The following MARCHF4 variants were observed in gnomAD, a reference collection of about 807,000 sequenced individuals.
MARCHF4 encodes membrane associated ring-CH-type finger 4.
MARCHF4 carries 14 observed loss-of-function variants against 43.9 expected under a neutral mutation model. The ratio of observed to expected loss-of-function variants is 0.32; its 90% CI spans 0.21 to 0.50. MARCHF4 has a LOEUF of 0.50. MARCHF4 is among the 20% of genes least tolerant of loss of function. The pLI, the probability that MARCHF4 is intolerant of heterozygous loss-of-function variation, is 0.98. For missense variants in MARCHF4, 468 were observed against 536.7 expected, an observed-to-expected ratio of 0.87 and a Z score of 1.27; for synonymous variants, 226 against 213.3, an observed-to-expected ratio of 1.06 and a Z score of -0.52.
chr2:216,305,974 C>A (rs531570944), intron 1 of MARCHF4, among the ~76,000 whole-genome samples: 2 of 152,126 alleles, frequency 1.3e-5, no homozygotes, highest in African/African-American at 4.8e-5. Context: ...CTAACCACAC[C>A]CCACCCCTCC....
At chr2:216,359,078 C>T (rs1466602421) in intron 1 of MARCHF4, among the ~76,000 whole-genome samples, 1 of 152,166 alleles carries the variant, frequency 6.6e-6, no homozygotes, top group African/African-American at 2.4e-5. Flanking sequence ...CAGACAAACC[C>T]CCAAGCTTCA....
intron 1 of MARCHF4, among the ~76,000 whole-genome samples, chr2:216,329,352 G>C (rs1199955777): frequency 2.0e-5 from 3 of 152,164 alleles, no homozygotes; most frequent in Non-Finnish European, 4.4e-5. Context: ...CTGGACTCCA[G>C]CCTGGGTGAC....
chr2:216,335,061 C>T (rs1692137738), intron 1 of MARCHF4, among the ~76,000 whole-genome samples: 1 of 152,126 alleles, frequency 6.6e-6, no homozygotes, highest in Non-Finnish European at 1.5e-5. Context: ...AACTTGGTAG[C>T]AATTTTCAGA....
intron 1 of MARCHF4, among the ~76,000 whole-genome samples, chr2:216,340,408 C>T (rs1365953456): frequency 6.6e-6 from 1 of 152,232 alleles, no homozygotes; most frequent in Non-Finnish European, 1.5e-5. Context: ...CTCCCTGGCT[C>T]TCCTCCTGCA....
intron 2 of MARCHF4, 62 bp downstream of exon 2, chr2:216,283,512 C>G: frequency 1.3e-6 from 2 of 1,512,802 alleles, no homozygotes; most frequent in Non-Finnish European, 8.9e-7. Context: ...AAGCCTCCTG[C>G]TAAAGCAGGT....
At chr2:216,308,239 C>T (rs1691622190) in intron 1 of MARCHF4, among the ~76,000 whole-genome samples, 2 of 152,078 alleles carry the variant, frequency 1.3e-5, no homozygotes, top group Admixed American at 1.3e-4. Flanking sequence ...CTGTCTCTAA[C>T]TCTCAAAAAT....
At chr2:216,360,475 A>G (rs928626257) in intron 1 of MARCHF4, among the ~76,000 whole-genome samples, 1 of 152,170 alleles carries the variant, frequency 6.6e-6, no homozygotes, top group African/African-American at 2.4e-5. Flanking sequence ...ACACCGAGAC[A>G]TGGAGGAAGT....
In MARCHF4 at chr2:216,259,487, C is replaced by T. The variant is rs973671685; in HGVS notation, c.1058G>A (p.Gly353Asp). 1.2e-6 allele frequency: 2 copies of T among 1,614,162 alleles called. No individual in the cohort carries two copies. The highest frequency in any genetic ancestry group is 1.7e-6 in the Non-Finnish European group (2 of 1,180,010). The change falls in exon 4 of 4, where the codon GGC (glycine) becomes GAC (aspartate). Residue 353 changes from glycine (G) to aspartate (D), a missense_variant. By Grantham distance (94) the Gly-to-Asp change is moderately conservative. Coordinates refer to ENST00000273067, the MANE Select transcript of MARCHF4 (RefSeq NM_020814.3). Reference protein sequence around the residue: ...NIPSSEEETAGTPAPEQGPAQ... With the variant: ...NIPSSEEETADTPAPEQGPAQ... ...AGGGCCCTGCTCAGGGGCAGGGGTG[C>T]CTGCGGTCTCCTCTTCCGAGGAGGG...
intron 1 of MARCHF4, among the ~76,000 whole-genome samples, chr2:216,365,511 GCTCC>G (rs1692651245): frequency 6.6e-6 from 1 of 152,214 alleles, no homozygotes; most frequent in Non-Finnish European, 1.5e-5. Flanking sequence ...CCTGGAGGTT[GCTCC>G]ACAAAGATAA....
At chr2:216,281,148 A>C (rs1691121621) in intron 2 of MARCHF4, among the ~76,000 whole-genome samples, 1 of 149,410 alleles carries the variant, frequency 6.7e-6, no homozygotes, top group Admixed American at 6.7e-5. Flanking sequence ...AGCTCACTAC[A>C]ACCTAGACCT....
At chr2:216,304,084 G>T (rs1389224534) in intron 1 of MARCHF4, among the ~76,000 whole-genome samples, 1 of 152,126 alleles carries the variant, frequency 6.6e-6, no homozygotes, top group African/African-American at 2.4e-5. Context: ...TGTCATGGGG[G>T]TACTCAGGTT....
chr2:216,344,451 G>C (rs1422979144), intron 1 of MARCHF4, among the ~76,000 whole-genome samples: 3 of 152,152 alleles, frequency 2.0e-5, no homozygotes, highest in Non-Finnish European at 4.4e-5. Flanking sequence ...TTCACCAGAA[G>C]CAGGGTGGAG....
intron 1 of MARCHF4, among the ~76,000 whole-genome samples, chr2:216,367,943 A>AG (rs538902956): frequency 0.015 from 2,305 of 151,756 alleles, 36 homozygotes; most frequent in Admixed American, 0.03. Flanking sequence ...TGAGGAAAGG[A>AG]GGGGGGGGCA....
At position 216,370,400 on chromosome 2, in the gene MARCHF4, A is replaced by T; in HGVS notation, c.-140T>A. 3.3e-6 allele frequency: 2 copies of T among 613,914 alleles called. No individual in the cohort carries two copies. Among genetic ancestry groups the T allele is most frequent in the South Asian group, 4.9e-5 (2 of 40,466 alleles). The allele number at this position is 613,914 out of a possible 1,614,324, so 38.0% of individuals were successfully genotyped here. On this transcript the variant is annotated 5_prime_UTR_variant, in exon 1 of 4. Transcript: ENST00000273067. ...CACTGGCTTTTCTTACAACCCCTCC[A>T]AGTAGCAAATAAATTGCTCCCAGGA...
chr2:216,327,004 A>T (rs1044047151), intron 1 of MARCHF4, among the ~76,000 whole-genome samples: 4 of 152,166 alleles, frequency 2.6e-5, no homozygotes, highest in Non-Finnish European at 5.9e-5. Context: ...AAATAATAGT[A>T]TCTACCGTAT....
In MARCHF4 at chr2:216,283,681, G is replaced by T. The variant is rs2105940897; in HGVS notation, c.565C>A (p.His189Asn). Residue 189 changes from histidine to asparagine, a missense_variant, in exon 2 of 4, where the codon CAC becomes AAC. By Grantham distance (68) the His-to-Asn change is moderately conservative. Around this residue, in one of 3 missense-constraint regions of MARCHF4, gnomAD observed 158 missense variants for 251.1 expected, o/e 0.63. Transcript: ENST00000273067. ...CRCDGSVKCT[H>N]QPCLIKWISE... is the part of the protein sequence containing the mutation. ...ATCCACTTGATGAGGCAAGGCTGGT[G>T]TGTGCACTTGACCGAGCCATCACAG... 6.2e-7 allele frequency: 1 copy of T among 1,613,466 alleles called. No individual in the cohort carries two copies. Among genetic ancestry groups the T allele is most frequent in the Non-Finnish European group, 8.5e-7 (1 of 1,179,418 alleles).
intron 1 of MARCHF4, among the ~76,000 whole-genome samples, chr2:216,354,823 T>C (rs1230690763): frequency 6.6e-6 from 1 of 152,224 alleles, no homozygotes; most frequent in African/African-American, 2.4e-5. Context: ...TCAGCATAAT[T>C]GTGCCCAAAG....
rs1559110083 is a variant in MARCHF4, at chr2:216,370,172, T to G, written c.89A>C (p.Gln30Pro). Reference sequence around the variant, plus strand: ...GAGGAGACCCTGGTGGCGCAACATCTGGGGGGCTGGGGCACACAATCCATA... The same window carrying G: ...GAGGAGACCCTGGTGGCGCAACATCGGGGGGGCTGGGGCACACAATCCATA... ...YCYGLCAPAP[Q>P]MLRHQGLLKC... The change falls in exon 1 of 4, where the codon CAG (glutamine) becomes CCG (proline). Residue 30 changes from glutamine to proline, a missense_variant. Gln to Pro is a moderately conservative substitution (Grantham distance 76). Around this residue, in one of 3 missense-constraint regions of MARCHF4, gnomAD observed 190 missense variants for 158.5 expected, o/e 1.20. Transcript: ENST00000273067. 1 of 1,611,636 alleles carries G rather than the reference T, an allele frequency of 6.2e-7. No homozygotes were observed. The highest frequency in any genetic ancestry group is 1.7e-5 in the Admixed American group (1 of 59,678).
At chr2:216,304,285 C>T (rs945912967) in intron 1 of MARCHF4, among the ~76,000 whole-genome samples, 4 of 152,138 alleles carry the variant, frequency 2.6e-5, no homozygotes, top group Admixed American at 2.6e-4. Context: ...TGAAAAGGAG[C>T]ATCTTCAATT....
Sources: allele counts gnomAD v4.1 joint callset (sites outside exome capture counted in the v4.1 genomes callset), GRCh38; gene constraint gnomAD v4.1.1; regional missense constraint gnomAD v4.1.1; transcripts MANE v1.5; gene names NCBI Gene and HGNC (gene_info 2026-07-23, HGNC 2026-07-21).